The following RPTOR variants were observed in gnomAD, a reference collection of about 807,000 sequenced individuals.
RPTOR encodes regulatory-associated protein of mTOR.
A neutral mutation model predicts 169.9 loss-of-function variants in RPTOR; 21 were observed. The observed-to-expected ratio is 0.12, with a 90% confidence interval of 0.09 to 0.18. RPTOR has a LOEUF of 0.18. Ranked by LOEUF, RPTOR falls within the 10% of genes least tolerant of loss-of-function variation. The probability of loss-of-function intolerance (pLI) is 1.00; values close to 1 mark genes in which losing one functional copy is unlikely to be tolerated. For synonymous variants in RPTOR, 732 were observed against 753.2 expected, an observed-to-expected ratio of 0.97 and a Z score of 0.46; for missense variants, 1,133 against 1,855.9, an observed-to-expected ratio of 0.61 and a Z score of 7.16.
chr17:80,785,174 G>A (rs1207547750), intron 6 of RPTOR, among the ~76,000 whole-genome samples: 1 of 152,130 alleles, frequency 6.6e-6, no homozygotes, highest in East Asian at 1.9e-4. Flanking sequence ...GAGACTTCAC[G>A]TGCCAGCTAA....
At chr17:80,713,985 C>A (rs932380511) in intron 4 of RPTOR, among the ~76,000 whole-genome samples, 1 of 152,258 alleles carries the variant, frequency 6.6e-6, no homozygotes, top group African/African-American at 2.4e-5. Flanking sequence ...GTTGCCCAGG[C>A]TGGAGTGCAG....
At chr17:80,964,158 C>T (rs1238236008) in intron 33 of RPTOR, 104 bp from the exon 34 acceptor site, 1 of 1,011,826 alleles carries the variant, frequency 9.9e-7, no homozygotes, top group South Asian at 1.3e-5. Context: ...TTCCTGAGAC[C>T]CCGGCAGGAG....
intron 24 of RPTOR, among the ~76,000 whole-genome samples, chr17:80,931,214 G>A (rs1380273366): frequency 6.6e-6 from 1 of 152,178 alleles, no homozygotes; most frequent in Admixed American, 6.5e-5. Flanking sequence ...TAAGAAAAGG[G>A]CAGAAAAGCT....
intron 7 of RPTOR, among the ~76,000 whole-genome samples, chr17:80,815,101 T>C (rs2067310013): frequency 6.6e-6 from 1 of 152,220 alleles, no homozygotes; most frequent in South Asian, 2.1e-4. Context: ...AAGGTAAACA[T>C]GCTTGAGTTA....
chr17:80,772,620 G>A (rs1396081449), intron 6 of RPTOR, among the ~76,000 whole-genome samples: 2 of 145,774 alleles, frequency 1.4e-5, no homozygotes, highest in African/African-American at 5.1e-5. Flanking sequence ...ATTCTCCTGC[G>A]GCAGCTTCAC....
intron 28 of RPTOR, among the ~76,000 whole-genome samples, chr17:80,952,116 T>C (rs2069186765): frequency 6.6e-6 from 1 of 152,180 alleles, no homozygotes; most frequent in Non-Finnish European, 1.5e-5. Flanking sequence ...TTGTCATCGA[T>C]TGGAGTCACA....
chr17:80,841,808 A>C (rs1284191610), intron 10 of RPTOR, among the ~76,000 whole-genome samples: 1 of 123,496 alleles, frequency 8.1e-6, no homozygotes, highest in African/African-American at 3.2e-5. Context: ...GCTCACACTC[A>C]CCGCACGGCA....
chr17:80,665,978 G>A (rs917090073), intron 3 of RPTOR, among the ~76,000 whole-genome samples: 52 of 152,178 alleles, frequency 3.4e-4, no homozygotes, highest in Admixed American at 2.6e-4. Context: ...ATCTGCCTGT[G>A]CCCGTGTATC....
At chr17:80,731,169 G>A (rs886308009) in intron 5 of RPTOR, among the ~76,000 whole-genome samples, 1 of 152,138 alleles carries the variant, frequency 6.6e-6, no homozygotes, top group African/African-American at 2.4e-5. Context: ...TGAGCACTGA[G>A]CCCGGCCCAG....
Position 80,585,166 on chromosome 17 carries a change from T to TTTA in RPTOR, c.162+39411_162+39413dup, listed in dbSNP as rs150653828. ...TCCTGTTCTTGTTTCAGTGCTTTGGTTTATTATTATTATTATTATTATTAT... is the reference window on the plus strand; with the variant it reads ...TCCTGTTCTTGTTTCAGTGCTTTGGTTTATTATTATTATTATTATTATTATTAT... On this transcript the variant is annotated intron_variant, in intron 1 of 33. Transcript: ENST00000306801. Among the ~76,000 whole-genome samples, 413 of 141,612 alleles carry TTTA rather than the reference T, an allele frequency of 2.9e-3. 4 individuals carry two copies. The highest frequency in any genetic ancestry group is 9.0e-3 in the African/African-American group (346 of 38,398). The allele number at this position is 141,612 out of a possible 152,430, so 92.9% of individuals were successfully genotyped here.
intron 3 of RPTOR, among the ~76,000 whole-genome samples, chr17:80,688,532 A>AG (rs1446582356): frequency 6.6e-6 from 1 of 151,800 alleles, no homozygotes. Flanking sequence ...CCACCACTCC[A>AG]AACATCACAG....
chr17:80,759,120 C>G (rs899337583), intron 6 of RPTOR, among the ~76,000 whole-genome samples: 15 of 151,716 alleles, frequency 9.9e-5, no homozygotes, highest in Admixed American at 1.3e-4. Context: ...CTTGGAAGGC[C>G]GAGGCAGGAG....
At position 80,945,137 on chromosome 17, in the gene RPTOR, C is replaced by CA. The variant is rs879640790; in HGVS notation, c.3026-522dup. Among the ~76,000 whole-genome samples the CA allele has an allele frequency of 2.9e-3, 434 of 151,474 alleles. 8 individuals are homozygous for CA. Among genetic ancestry groups the CA allele is most frequent in the Admixed American group, 0.027 (406 of 15,218 alleles). On this transcript the variant is annotated intron_variant, in intron 25 of 33. Coordinates refer to ENST00000306801, the MANE Select transcript of RPTOR (RefSeq NM_020761.3). ...AGTAAGACCCTGTCTCAACAAAAAACAAAAAAAAGTAGCCAGGTGTGGCGG... is the reference window on the plus strand; with the variant it reads ...AGTAAGACCCTGTCTCAACAAAAAACAAAAAAAAAGTAGCCAGGTGTGGCGG...
chr17:80,658,472 T>A (rs538297171), intron 3 of RPTOR, among the ~76,000 whole-genome samples: 1 of 152,322 alleles, frequency 6.6e-6, no homozygotes, highest in Non-Finnish European at 1.5e-5. Flanking sequence ...TTAATATTGG[T>A]GCTTTGAAAG....
chr17:80,681,410 G>A (rs887213236), intron 3 of RPTOR, among the ~76,000 whole-genome samples: 1 of 152,190 alleles, frequency 6.6e-6, no homozygotes, highest in Non-Finnish European at 1.5e-5. Context: ...CGTGCGTGCT[G>A]TGTGCATTCC....
At chr17:80,607,529 C>G (rs905288830) in intron 1 of RPTOR, among the ~76,000 whole-genome samples, 1 of 151,744 alleles carries the variant, frequency 6.6e-6, no homozygotes, top group Non-Finnish European at 1.5e-5. Context: ...AGCTATGCCT[C>G]CTTTAAAACT....
rs11382913 is a variant in RPTOR, at chr17:80,562,758, T to TG, written c.162+16969dup. Among the ~76,000 whole-genome samples, 152,339 of 152,340 alleles carry TG rather than the reference T, an allele frequency of 1. 76,169 individuals are homozygous for TG. The highest frequency in any genetic ancestry group is 1 in the Middle Eastern group (294 of 294). ...GAGACTGCGCCACTGCACCCCATCC[T>TG]GGCAACAGAGCAAGACTCTTGTCTC... On this transcript the variant is annotated intron_variant, in intron 1 of 33. Coordinates refer to ENST00000306801, the MANE Select transcript of RPTOR (RefSeq NM_020761.3). This position sits in a 1 kb window ranked among gnomAD's most constrained non-coding sequence, Gnocchi z 4.4.
intron 5 of RPTOR, among the ~76,000 whole-genome samples, chr17:80,752,537 T>C (rs1567893675): frequency 6.6e-6 from 1 of 152,254 alleles, no homozygotes; most frequent in Non-Finnish European, 1.5e-5. Flanking sequence ...TAAATTTTAC[T>C]GGCCAAAATG....
At chr17:80,822,065 G>A (rs1052391717) in intron 7 of RPTOR, 136 bp from the exon 8 acceptor site, 20 of 749,962 alleles carry the variant, frequency 2.7e-5, no homozygotes, top group African/African-American at 1.5e-4. Context: ...CCTGCCGTGC[G>A]CCAAGCTTCT....
Sources: gnomAD v4.1 joint callset for allele counts (sites outside exome capture counted in the v4.1 genomes callset) on GRCh38, gnomAD v4.1.1 for gene constraint, Gnocchi (gnomAD v3.1) non-coding constraint, MANE v1.5 for transcripts, NCBI Gene and HGNC (gene_info 2026-07-23, HGNC 2026-07-21) for gene names.